Variants in FADS3 observed in about 807,000 individuals in gnomAD.
The protein encoded by FADS3 is cytochrome b5-related protein.
A neutral mutation model predicts 60.4 loss-of-function variants in FADS3; 30 were observed. That is an observed-to-expected ratio of 0.50 (90% confidence interval 0.37 to 0.67). FADS3 has a LOEUF of 0.67. FADS3 is among the 30% of genes least tolerant of loss of function. The probability of loss-of-function intolerance (pLI) is 0.00; values close to 1 mark genes in which losing one functional copy is unlikely to be tolerated. For missense variants in FADS3, 432 were observed against 598.3 expected, an observed-to-expected ratio of 0.72 and a Z score of 2.90; for synonymous variants, 234 against 249.3, an observed-to-expected ratio of 0.94 and a Z score of 0.58.
intron 1 of FADS3, among the ~76,000 whole-genome samples, chr11:61,887,089 A>T (rs1938343239): frequency 6.6e-6 from 1 of 152,256 alleles, no homozygotes; most frequent in South Asian, 2.1e-4. Context: ...CCAGGCACCC[A>T]GGTGCCCAGC....
In FADS3 at chr11:61,880,097, G is replaced by A; in HGVS notation, c.268C>T (p.Pro90Ser). The change falls in exon 2 of 12, where the codon CCC (proline) becomes TCC (serine). Residue 90 changes from proline to serine, a missense_variant. Coordinates refer to ENST00000278829, the MANE Select transcript of FADS3 (RefSeq NM_021727.5). ...GGAGCCAGCTCTCCAATCAACAGGGGCTGTAGGAACTTGCGCACAAAATTG... is the reference window on the plus strand; with the variant it reads ...GGAGCCAGCTCTCCAATCAACAGGGACTGTAGGAACTTGCGCACAAAATTG... ...DLNFVRKFLQ[P>S]LLIGELAPEE... 1 of 1,614,162 alleles carries A rather than the reference G, an allele frequency of 6.2e-7. No homozygotes were observed. The highest frequency in any genetic ancestry group is 8.5e-7 in the Non-Finnish European group (1 of 1,179,992).
In FADS3 at chr11:61,876,591, C is replaced by G. The variant is rs1044479776; in HGVS notation, c.984-136G>C. 1 of 744,644 alleles carries G rather than the reference C, an allele frequency of 1.3e-6. No individual in the cohort carries two copies. The highest frequency in any genetic ancestry group is 2.3e-6 in the Non-Finnish European group (1 of 429,860). The allele number at this position is 744,644 out of a possible 1,614,324, so 46.1% of individuals were successfully genotyped here. ...TAGGATTGTGGCCATCGCCCCCTTGCCAGTGTTTAAAGAATCTGAATGGAG... is the reference window on the plus strand; with the variant it reads ...TAGGATTGTGGCCATCGCCCCCTTGGCAGTGTTTAAAGAATCTGAATGGAG... On this transcript the variant is annotated intron_variant, in intron 8 of 11. Coordinates refer to ENST00000278829, the MANE Select transcript of FADS3 (RefSeq NM_021727.5). The surrounding 1 kb of genome is among the most constrained non-coding windows in gnomAD (Gnocchi z 5.7).
intron 1 of FADS3, among the ~76,000 whole-genome samples, chr11:61,889,717 C>T (rs922313444): frequency 1.3e-5 from 2 of 152,080 alleles, no homozygotes; most frequent in South Asian, 2.1e-4. Context: ...TAGAGCAGGC[C>T]GGGAGTGGTG....
At chr11:61,890,606 G>A (rs1467827512) in intron 1 of FADS3, among the ~76,000 whole-genome samples, 2 of 152,168 alleles carry the variant, frequency 1.3e-5, no homozygotes, top group Non-Finnish European at 2.9e-5. Context: ...GCCTGTTCCT[G>A]GGGTGACTGT....
intron 1 of FADS3, 136 bp from the exon 2 acceptor site, chr11:61,880,287 TG>T (rs1938082211): frequency 1.5e-6 from 1 of 673,908 alleles, no homozygotes; most frequent in Non-Finnish European, 2.6e-6. Context: ...AGCCGGCTGA[TG>T]AACAGTCAAA....
At chr11:61,882,430 A>C (rs1250915036) in intron 1 of FADS3, 1 of 142,810 alleles carries the variant, frequency 7.0e-6, no homozygotes. Context: ...AACACTGAAA[A>C]ATTTTTTTGA....
At chr11:61,875,480 A>C (rs1480495687) in intron 11 of FADS3, among the ~76,000 whole-genome samples, 1 of 141,606 alleles carries the variant, frequency 7.1e-6, no homozygotes, top group African/African-American at 2.6e-5. Context: ...TGATCCGCCC[A>C]CCTCAGCCTC....
chr11:61,879,779 C>T (rs576052500), intron 2 of FADS3, among the ~76,000 whole-genome samples: 22 of 152,304 alleles, frequency 1.4e-4, no homozygotes, highest in African/African-American at 3.8e-4. Context: ...GGACACTGGG[C>T]GACAACAGGG....
At chr11:61,878,964 A>C in intron 3 of FADS3, 117 bp from the exon 4 acceptor site, 1 of 797,642 alleles carries the variant, frequency 1.3e-6, no homozygotes, top group South Asian at 1.8e-5. Context: ...CCATTTCAAG[A>C]CCCTTGTGGG....
chr11:61,877,750 C>A lies in FADS3; in HGVS notation c.809-163G>T. On this transcript the variant is annotated intron_variant, in intron 6 of 11. Coordinates refer to ENST00000278829, the MANE Select transcript of FADS3 (RefSeq NM_021727.5). This position sits in a 1 kb window ranked among gnomAD's most constrained non-coding sequence, Gnocchi z 4.7. ...ATCACCCCCAATTCTGTGTCCAAGC[C>A]TCCCCAGGCTGCCCTTACCCCACCA... 1.5e-6 allele frequency: 1 copy of A among 668,936 alleles called. No homozygotes were observed. The highest frequency in any genetic ancestry group is 2.6e-6 in the Non-Finnish European group (1 of 384,886). 41.4% of individuals were successfully genotyped at this position (668,936 alleles called of 1,614,324 possible). A position where few individuals can be genotyped will look rare whatever the true frequency, so the allele number is the denominator to read the frequency against.
At chr11:61,878,303 G>A in intron 5 of FADS3, 88 bp from the exon 6 acceptor site, 1 of 1,461,526 alleles carries the variant, frequency 6.8e-7, no homozygotes, top group Non-Finnish European at 9.6e-7. Context: ...TGGGGCCAAG[G>A]GTCAAAGGCA....
chr11:61,876,228 T>C lies in FADS3; in HGVS notation c.1081-38A>G. 1 of 1,579,446 alleles carries C rather than the reference T, an allele frequency of 6.3e-7. No individual in the cohort carries two copies. The highest frequency in any genetic ancestry group is 8.6e-7 in the Non-Finnish European group (1 of 1,162,694). ...GGCGGGGCACATGTGAGGAGGCCGT[T>C]GCAGATCCCTGACCCCACGGCACCA... On this transcript the variant is annotated intron_variant, in intron 9 of 11. Transcript: ENST00000278829. This position sits in a 1 kb window ranked among gnomAD's most constrained non-coding sequence, Gnocchi z 5.7.
intron 5 of FADS3, 41 bp from the exon 6 acceptor site, chr11:61,878,256 G>C: frequency 1.3e-6 from 2 of 1,595,906 alleles, no homozygotes; most frequent in Non-Finnish European, 1.7e-6. Context: ...AGCTCTCCAG[G>C]CCACCTCCTT....
At position 61,878,787 on chromosome 11, in the gene FADS3, A is replaced by G; in HGVS notation, c.583T>C (p.Trp195Arg). The change falls in exon 4 of 12, where the codon TGG (tryptophan) becomes CGG (arginine). Residue 195 changes from tryptophan (W) to arginine (R), a missense_variant. By Grantham distance (101) the Trp-to-Arg change is moderately radical. This residue lies in a region of FADS3 where 116 missense variants were observed against 208.9 expected (regional missense o/e 0.56). Coordinates refer to ENST00000278829, the MANE Select transcript of FADS3 (RefSeq NM_021727.5). Reference protein sequence around the residue: ...GHASIFKKSWWNHVAQKFVMG... With the variant: ...GHASIFKKSWRNHVAQKFVMG... ...ACGAACTTCTGGGCCACGTGGTTCC[A>G]CCAGGACTTCTTGAAGATGGAGGCA... 6.2e-7 allele frequency: 1 copy of G among 1,614,114 alleles called. No homozygotes were observed. The highest frequency in any genetic ancestry group is 8.5e-7 in the Non-Finnish European group (1 of 1,180,030).
At chr11:61,883,500 A>G (rs1938205690) in intron 1 of FADS3, among the ~76,000 whole-genome samples, 1 of 152,200 alleles carries the variant, frequency 6.6e-6, no homozygotes, top group Admixed American at 6.6e-5. Context: ...GGCATCACTC[A>G]GACACTCAGA....
intron 11 of FADS3, among the ~76,000 whole-genome samples, chr11:61,875,293 C>T (rs1444702931): frequency 6.6e-6 from 1 of 152,084 alleles, no homozygotes; most frequent in Non-Finnish European, 1.5e-5. Flanking sequence ...GCAACCTCCG[C>T]CCCTGCGAGT....
chr11:61,873,954 C>T (rs906955220), intron 11 of FADS3, 89 bp from the exon 12 acceptor site: 16 of 834,296 alleles, frequency 1.9e-5, no homozygotes, highest in Non-Finnish European at 2.5e-5. Context: ...TAAGTGTGAG[C>T]GGAGATCCCC....
At chr11:61,873,896 T>G in intron 11 of FADS3, 31 bp from the exon 12 acceptor site, 1 of 1,453,548 alleles carries the variant, frequency 6.9e-7, no homozygotes, top group Non-Finnish European at 9.6e-7. Flanking sequence ...TGGGGGTGGG[T>G]GTTAGGAGCT....
At position 61,880,120 on chromosome 11, in the gene FADS3, T is replaced by C. The variant is rs148131312; in HGVS notation, c.245A>G (p.Asn82Ser). ...DAFRAFHQDL[N>S]FVRKFLQPLL... Reference sequence around the variant, plus strand: ...GGGCTGTAGGAACTTGCGCACAAAATTGAGATCTTGATGGAAGGCACGGAA... The same window carrying C: ...GGGCTGTAGGAACTTGCGCACAAAACTGAGATCTTGATGGAAGGCACGGAA... Residue 82 changes from asparagine to serine, a missense_variant, in exon 2 of 12, where the codon AAT becomes AGT. Around this residue, in one of 5 missense-constraint regions of FADS3, gnomAD observed 167 missense variants for 188.8 expected, o/e 0.88. Transcript: ENST00000278829. The C allele has an allele frequency of 4.3e-6, 7 of 1,613,752 alleles. No homozygotes were observed. The African/African-American group carries it at 8.0e-5, about 18-fold the overall frequency.
Sources: gnomAD v4.1 joint callset for allele counts (sites outside exome capture counted in the v4.1 genomes callset) on GRCh38, gnomAD v4.1.1 for gene constraint, gnomAD v4.1.1 regional missense constraint, Gnocchi (gnomAD v3.1) non-coding constraint, MANE v1.5 for transcripts, NCBI Gene and HGNC (gene_info 2026-07-23, HGNC 2026-07-21) for gene names.